Variants in PTPRG observed in about 807,000 individuals in gnomAD.
The protein encoded by PTPRG is receptor-type tyrosine-protein phosphatase gamma.
In PTPRG, 102 loss-of-function variants were observed where a neutral mutation model predicts 165.3. The observed-to-expected ratio is 0.62, with a 90% CI of 0.53 to 0.73. The LOEUF is 0.73. PTPRG is among the 30% of genes least tolerant of loss of function. The pLI is 0.00. For synonymous variants in PTPRG, 675 were observed against 669.5 expected, an observed-to-expected ratio of 1.01 and a Z score of -0.13; for missense variants, 1,866 against 1,861.4, an observed-to-expected ratio of 1.00 and a Z score of -0.05.
chr3:61,773,033 C>T (rs2034259250), intron 2 of PTPRG, among the ~76,000 whole-genome samples: 1 of 152,128 alleles, frequency 6.6e-6, no homozygotes, highest in Admixed American at 6.5e-5. Flanking sequence ...GCAAGAAAGA[C>T]AAGATAACAT....
chr3:61,815,314 G>A (rs186631250), intron 2 of PTPRG, among the ~76,000 whole-genome samples: 1 of 152,178 alleles, frequency 6.6e-6, no homozygotes, highest in East Asian at 1.9e-4. Flanking sequence ...GGAGGCTGAG[G>A]AGGGAGAACC....
At chr3:61,631,779 A>C (rs1269847457) in intron 1 of PTPRG, among the ~76,000 whole-genome samples, 1 of 152,218 alleles carries the variant, frequency 6.6e-6, no homozygotes, top group Non-Finnish European at 1.5e-5. Flanking sequence ...GGAAATTGCA[A>C]GTACATGAAA....
intron 28 of PTPRG, among the ~76,000 whole-genome samples, chr3:62,286,571 A>AC (rs397693110): frequency 6.6e-6 from 1 of 151,832 alleles, no homozygotes. Flanking sequence ...TTAAAAAAAA[A>AC]CATTACTGTA....
chr3:61,791,391 T>C (rs912811699), intron 2 of PTPRG, among the ~76,000 whole-genome samples: 5 of 152,252 alleles, frequency 3.3e-5, no homozygotes, highest in African/African-American at 9.6e-5. Flanking sequence ...CAAGTGACTT[T>C]AGGAACCAAA....
At chr3:62,016,925 C>T (rs762447702) in intron 4 of PTPRG, among the ~76,000 whole-genome samples, 2 of 152,204 alleles carry the variant, frequency 1.3e-5, no homozygotes, top group Non-Finnish European at 2.9e-5. Flanking sequence ...AAGTAAGTCA[C>T]TTTCTTTTCT....
At chr3:61,825,727 C>A (rs1219705531) in intron 2 of PTPRG, among the ~76,000 whole-genome samples, 1 of 151,972 alleles carries the variant, frequency 6.6e-6, no homozygotes, top group African/African-American at 2.4e-5. Context: ...TCACTGCAGC[C>A]TCCATCTCTT....
Position 61,837,713 on chromosome 3 carries a change from A to G in PTPRG, c.190+88731A>G, listed in dbSNP as rs1206349488. Among the ~76,000 whole-genome samples the G allele has an allele frequency of 2.6e-5, 4 of 152,328 alleles. No individual in the cohort carries two copies. The East Asian group carries it at 5.8e-4, about 22-fold the overall frequency. ...TTTCACTGATCAATTTTGAGGGATTATTGAAAATAAGTGAAGACATTGAAA... is the reference window on the plus strand; with the variant it reads ...TTTCACTGATCAATTTTGAGGGATTGTTGAAAATAAGTGAAGACATTGAAA... On this transcript the variant is annotated intron_variant, in intron 2 of 29. Transcript: ENST00000474889.
chr3:61,772,414 T>C (rs2034237069), intron 2 of PTPRG, among the ~76,000 whole-genome samples: 1 of 152,020 alleles, frequency 6.6e-6, no homozygotes. Context: ...CTAATTTTTG[T>C]ATCATTAATA....
intron 1 of PTPRG, among the ~76,000 whole-genome samples, chr3:61,685,337 G>T (rs1268488370): frequency 6.6e-6 from 1 of 152,216 alleles, no homozygotes; most frequent in African/African-American, 2.4e-5. Context: ...GACCAGGGAG[G>T]AGAAGAGGGT....
intron 2 of PTPRG, among the ~76,000 whole-genome samples, chr3:61,754,118 T>G (rs927587331): frequency 6.6e-6 from 1 of 152,154 alleles, no homozygotes; most frequent in Non-Finnish European, 1.5e-5. Context: ...AACCCAGAAT[T>G]GAAATAGGCA....
intron 1 of PTPRG, among the ~76,000 whole-genome samples, chr3:61,735,196 C>T (rs2032671301): frequency 6.6e-6 from 1 of 152,164 alleles, no homozygotes; most frequent in African/African-American, 2.4e-5. Context: ...TCTTGATGTG[C>T]TCTAGCGAAA....
chr3:62,033,661 G>C (rs141884777), intron 4 of PTPRG, among the ~76,000 whole-genome samples: 2 of 151,866 alleles, frequency 1.3e-5, no homozygotes, highest in Non-Finnish European at 2.9e-5. Context: ...CACCACGCCT[G>C]GCTTCCCTGT....
intron 4 of PTPRG, among the ~76,000 whole-genome samples, chr3:62,010,033 T>C (rs1336816837): frequency 6.6e-6 from 1 of 152,160 alleles, no homozygotes; most frequent in Non-Finnish European, 1.5e-5. Flanking sequence ...TTCTCTTGCC[T>C]CAGCCTCCCG....
At chr3:61,851,212 T>G (rs979931707) in intron 2 of PTPRG, among the ~76,000 whole-genome samples, 1 of 152,100 alleles carries the variant, frequency 6.6e-6, no homozygotes, top group African/African-American at 2.4e-5. Context: ...AAAGGGGAGT[T>G]GGGGAAATCT....
intron 5 of PTPRG, among the ~76,000 whole-genome samples, chr3:62,084,426 C>T (rs1329814883): frequency 6.6e-6 from 1 of 152,168 alleles, no homozygotes; most frequent in East Asian, 1.9e-4. Flanking sequence ...GTTTTTCCCT[C>T]AGGTCTGTAG....
intron 2 of PTPRG, among the ~76,000 whole-genome samples, chr3:61,825,845 T>C (rs1298560728): frequency 6.6e-6 from 1 of 152,132 alleles, no homozygotes; most frequent in Admixed American, 6.5e-5. Context: ...GAAATGAGGT[T>C]ATGCTATGTT....
intron 2 of PTPRG, among the ~76,000 whole-genome samples, chr3:61,973,814 C>G (rs1253646290): frequency 1.3e-5 from 2 of 151,202 alleles, no homozygotes; most frequent in African/African-American, 2.4e-5. Context: ...GCCTTGGTGA[C>G]AGAGCGAGAC....
At chr3:61,669,740 A>G (rs1702916182) in intron 1 of PTPRG, among the ~76,000 whole-genome samples, 1 of 152,138 alleles carries the variant, frequency 6.6e-6, no homozygotes, top group South Asian at 2.1e-4. Context: ...TATTGCTGCA[A>G]AAGTCAGTTG....
chr3:61,939,431 A>G (rs2039558186), intron 2 of PTPRG, among the ~76,000 whole-genome samples: 1 of 152,238 alleles, frequency 6.6e-6, no homozygotes. Flanking sequence ...GCTTAATAAA[A>G]TCGCAGTGTG....
Sources: gnomAD v4.1 joint callset for allele counts (sites outside exome capture counted in the v4.1 genomes callset) on GRCh38, gnomAD v4.1.1 for gene constraint, MANE v1.5 for transcripts, NCBI Gene and HGNC (gene_info 2026-07-23, HGNC 2026-07-21) for gene names.